RANBP17: variants seen among roughly 807,000 people sequenced by gnomAD.
The protein encoded by RANBP17 is RAN binding protein 17.
RANBP17 carries 158 observed loss-of-function variants against 141.2 expected under a neutral mutation model. The observed-to-expected ratio is 1.12, with a 90% CI of 0.98 to 1.28. The LOEUF (loss-of-function observed/expected upper bound fraction) is 1.28. Ranked by LOEUF, RANBP17 falls within the 50% of genes most tolerant of loss-of-function variation. RANBP17 has a pLI of 0.00. For missense variants in RANBP17, 1,438 were observed against 1,290.7 expected, an observed-to-expected ratio of 1.11 and a Z score of -1.75; for synonymous variants, 430 against 450.0, an observed-to-expected ratio of 0.96 and a Z score of 0.56.
chr5:171,211,556 C>T (rs1326747919), intron 20 of RANBP17, among the ~76,000 whole-genome samples: 2 of 152,032 alleles, frequency 1.3e-5, no homozygotes, highest in African/African-American at 4.8e-5. Flanking sequence ...GCCACCATGC[C>T]CGACTTTCTT....
At chr5:171,038,870 T>G (rs908021867) in intron 14 of RANBP17, among the ~76,000 whole-genome samples, 1 of 152,208 alleles carries the variant, frequency 6.6e-6, no homozygotes, top group Admixed American at 6.5e-5. Flanking sequence ...GCTTGTATAT[T>G]GTCGAGGATT....
At chr5:171,281,041 C>A (rs1214917908) in intron 25 of RANBP17, among the ~76,000 whole-genome samples, 4 of 152,152 alleles carry the variant, frequency 2.6e-5, no homozygotes, top group African/African-American at 9.7e-5. Flanking sequence ...TATAGCTTAC[C>A]TGAACTGGCC....
chr5:171,149,278 T>C (rs1282961923), intron 14 of RANBP17, among the ~76,000 whole-genome samples: 1 of 152,272 alleles, frequency 6.6e-6, no homozygotes, highest in Non-Finnish European at 1.5e-5. Flanking sequence ...ATGCTCATTT[T>C]TCATGTGTCC....
intron 14 of RANBP17, among the ~76,000 whole-genome samples, chr5:171,005,126 T>A (rs1779500078): frequency 6.6e-6 from 1 of 152,116 alleles, no homozygotes; most frequent in Non-Finnish European, 1.5e-5. Context: ...AAAATGCATA[T>A]TAAGAATAAG....
chr5:171,177,882 T>A (rs17747752), intron 16 of RANBP17, among the ~76,000 whole-genome samples: 9,485 of 152,204 alleles, frequency 0.062, 390 homozygotes, highest in East Asian at 0.12. Flanking sequence ...GTTTCAAAAC[T>A]TCATACAGTG....
In RANBP17 at chr5:171,089,732, T is replaced by C. The variant is rs528847075; in HGVS notation, c.1711-80398T>C. ...GAGTGACCCGATTTTCCAGGTGCGT[T>C]CGTCACCCCTTTCTTTGACTCGGAA... is the stretch of plus-strand genomic sequence containing the variant. On this transcript the variant is annotated intron_variant, in intron 14 of 27. Transcript: ENST00000523189. Among the ~76,000 whole-genome samples the C allele has an allele frequency of 3.9e-3, 591 of 151,008 alleles. 3 individuals are homozygous for C. The highest frequency in any genetic ancestry group is 9.4e-3 in the African/African-American group (389 of 41,172).
chr5:171,195,918 A>G (rs752981617), intron 18 of RANBP17, among the ~76,000 whole-genome samples: 12 of 152,230 alleles, frequency 7.9e-5, no homozygotes, highest in Non-Finnish European at 7.3e-5. Context: ...TTTTAAGCAA[A>G]TAAAGTACCA....
intron 12 of RANBP17, among the ~76,000 whole-genome samples, chr5:170,951,201 A>G (rs1023226018): frequency 5.9e-5 from 9 of 152,104 alleles, no homozygotes; most frequent in Admixed American, 2.6e-4. Flanking sequence ...AGTGTATTCC[A>G]TATTTCAAAA....
At chr5:171,155,078 GAAAA>G (rs145976955) in intron 14 of RANBP17, among the ~76,000 whole-genome samples, 3 of 75,034 alleles carry the variant, frequency 4.0e-5, no homozygotes, top group Admixed American at 1.9e-4. Context: ...ACTCCATCTA[GAAAA>G]AAAAAAAAAA....
chr5:171,050,273 T>A (rs565450265), intron 14 of RANBP17, among the ~76,000 whole-genome samples: 1 of 152,298 alleles, frequency 6.6e-6, no homozygotes, highest in South Asian at 2.1e-4. Flanking sequence ...TTTTCATGAT[T>A]GTTCTAGAAA....
chr5:171,097,701 T>C (rs1228354138), intron 14 of RANBP17, among the ~76,000 whole-genome samples: 1 of 151,028 alleles, frequency 6.6e-6, no homozygotes, highest in Non-Finnish European at 1.5e-5. Flanking sequence ...GTTTATTACA[T>C]AGGTATACAT....
intron 15 of RANBP17, 28 bp from the exon 16 acceptor site, chr5:171,171,178 A>C (rs777797339): frequency 1.6e-6 from 2 of 1,271,970 alleles, no homozygotes; most frequent in Non-Finnish European, 2.3e-6. Flanking sequence ...TATCTTACTT[A>C]TAATTAAAGA....
chr5:170,935,687 G>A (rs985850510), intron 12 of RANBP17, among the ~76,000 whole-genome samples: 1 of 152,058 alleles, frequency 6.6e-6, no homozygotes, highest in Admixed American at 6.6e-5. Context: ...GGCCTTATGA[G>A]GTGTCAATCG....
At chr5:171,166,498 G>GCAATA (rs1260211853) in intron 14 of RANBP17, among the ~76,000 whole-genome samples, 1 of 151,066 alleles carries the variant, frequency 6.6e-6, no homozygotes, top group African/African-American at 2.4e-5. Context: ...ACTGCAATAT[G>GCAATA]GTTTCTTCTT....
At chr5:170,979,996 T>C (rs1370685270) in intron 14 of RANBP17, among the ~76,000 whole-genome samples, 1 of 152,190 alleles carries the variant, frequency 6.6e-6, no homozygotes, top group East Asian at 1.9e-4. Flanking sequence ...AAAATGCTGA[T>C]AATTATATGG....
rs866456940 is a variant in RANBP17 at position 171,258,138 on chromosome 5, C to A, written c.2777-7543C>A. On this transcript the variant is annotated intron_variant, in intron 24 of 27. Coordinates refer to ENST00000523189, the MANE Select transcript of RANBP17 (RefSeq NM_022897.5). ...AAAAATACACACACACACACACACA[C>A]ACACACACACACACACACACACCCC... Among the ~76,000 whole-genome samples, 3 of 149,734 alleles carry A rather than the reference C, an allele frequency of 2.0e-5. No individual in the cohort carries two copies. The East Asian group carries it at 5.8e-4, about 29-fold the overall frequency.
At chr5:171,295,826 G>A (rs1407254492) in intron 26 of RANBP17, 61 bp from the exon 27 acceptor site, 3 of 1,581,166 alleles carry the variant, frequency 1.9e-6, no homozygotes, top group African/African-American at 1.3e-5. Context: ...TCCATCCCCT[G>A]CCAGCTGTCT....
At chr5:171,188,946 CT>C (rs990459254) in intron 18 of RANBP17, among the ~76,000 whole-genome samples, 5 of 152,108 alleles carry the variant, frequency 3.3e-5, no homozygotes, top group African/African-American at 1.2e-4. Context: ...GTATGAGAAA[CT>C]GAAATAAACA....
chr5:171,187,662 G>A (rs1226588172), intron 18 of RANBP17, among the ~76,000 whole-genome samples: 4 of 151,934 alleles, frequency 2.6e-5, no homozygotes, highest in Non-Finnish European at 5.9e-5. Context: ...TTTTATAATG[G>A]TAAAAATTAA....
Sources: gnomAD v4.1 joint callset for allele counts (sites outside exome capture counted in the v4.1 genomes callset) on GRCh38, gnomAD v4.1.1 for gene constraint, MANE v1.5 for transcripts, NCBI Gene and HGNC (gene_info 2026-07-23, HGNC 2026-07-21) for gene names.